Variants in HMMR observed in about 807,000 individuals in gnomAD.
The protein encoded by HMMR is intracellular hyaluronic acid-binding protein.
A neutral mutation model predicts 101.0 loss-of-function variants in HMMR; 108 were observed. The observed-to-expected ratio is 1.07, with a 90% CI of 0.92 to 1.25. The LOEUF (loss-of-function observed/expected upper bound fraction) is 1.25, where lower values mean the gene tolerates loss of function less well. Among genes scored for constraint, HMMR ranks in the 50% most tolerant of loss-of-function variants. The pLI, the probability that HMMR is intolerant of heterozygous loss-of-function variation, is 0.00. For synonymous variants in HMMR, 296 were observed against 276.4 expected (o/e 1.07, Z -0.70); for missense variants, 813 against 788.7 (o/e 1.03, Z -0.37).
intron 4 of HMMR, 106 bp from the exon 5 acceptor site, chr5:163,469,535 C>T: frequency 2.3e-6 from 2 of 871,676 alleles, no homozygotes; most frequent in South Asian, 1.5e-5. Flanking sequence ...AGCATAATGT[C>T]AAAATCAGAG....
At position 163,473,515 on chromosome 5, in the gene HMMR, G is replaced by A; in HGVS notation, c.862G>A (p.Glu288Lys). The stretch of plus-strand genomic sequence containing the variant: ...TATTGTTATATTATCTAAACAAGTA[G>A]AAGATCTAAATGTGAAATGTCAGCT... ...ENIVILSKQV[E>K]DLNVKCQLLE... The change falls in exon 9 of 18, where the codon GAA (glutamate) becomes AAA (lysine). Residue 288 changes from glutamate (E) to lysine (K), a missense_variant. By Grantham distance (56) the Glu-to-Lys change is moderately conservative (BLOSUM62 1). Transcript: ENST00000393915. 6.3e-7 allele frequency: 1 copy of A among 1,588,248 alleles called. No individual in the cohort carries two copies. The highest frequency in any genetic ancestry group is 8.6e-7 in the Non-Finnish European group (1 of 1,165,118).
intron 7 of HMMR, among the ~76,000 whole-genome samples, chr5:163,472,414 A>G (rs1176695215): frequency 6.6e-6 from 1 of 152,060 alleles, no homozygotes; most frequent in Non-Finnish European, 1.5e-5. Flanking sequence ...TGCTGTGAAC[A>G]TGTTTTATGT....
intron 12 of HMMR, among the ~76,000 whole-genome samples, chr5:163,479,920 C>G (rs1759200853): frequency 6.6e-6 from 1 of 152,136 alleles, no homozygotes; most frequent in African/African-American, 2.4e-5. Flanking sequence ...CTACAAATTA[C>G]AAAGGCCAAT....
At position 163,469,633 on chromosome 5, in the gene HMMR, T is replaced by C. The variant is rs1198362448; in HGVS notation, c.274-8T>C. The stretch of plus-strand genomic sequence containing the variant: ...TGAATCATTTATTATCACCTTGTTT[T>C]TGTCCAGATTCGTGTTCTTCTACAG... On this transcript the variant is annotated splice_polypyrimidine_tract_variant and splice_region_variant and intron_variant, in intron 4 of 17. Transcript: ENST00000393915. 3.7e-6 allele frequency: 6 copies of C among 1,604,856 alleles called. No individual in the cohort carries two copies. The highest frequency in any genetic ancestry group is 5.1e-6 in the Non-Finnish European group (6 of 1,176,790).
chr5:163,480,792 C>G (rs928164128), intron 12 of HMMR, among the ~76,000 whole-genome samples: 1 of 152,038 alleles, frequency 6.6e-6, no homozygotes, highest in Non-Finnish European at 1.5e-5. Context: ...GTTTATTTGT[C>G]TATAGGGTTA....
chr5:163,468,297 A>G (rs2113464797), intron 4 of HMMR, among the ~76,000 whole-genome samples: 1 of 152,342 alleles, frequency 6.6e-6, no homozygotes, highest in South Asian at 2.1e-4. Flanking sequence ...CTCAGTTGCA[A>G]TAATCACATT....
Position 163,471,385 on chromosome 5 carries a change from G to T in HMMR, c.572G>T (p.Gly191Val), listed in dbSNP as rs1758885735. The T allele has an allele frequency of 3.7e-6, 6 of 1,613,968 alleles. No individual in the cohort carries two copies. Among genetic ancestry groups the T allele is most frequent in the Non-Finnish European group, 5.1e-6 (6 of 1,179,996 alleles). Reference sequence around the variant, plus strand: ...TAGGGTATGATGGCTAAGCAAGAAGGCATGGAGATGAAGCTGCAGGTCACC... The same window carrying T: ...TAGGGTATGATGGCTAAGCAAGAAGTCATGGAGATGAAGCTGCAGGTCACC... Reference protein sequence around the residue: ...KMRGMMAKQEGMEMKLQVTQR... With the variant: ...KMRGMMAKQEVMEMKLQVTQR... The change falls in exon 7 of 18, where the codon GGC (glycine) becomes GTC (valine). Residue 191 changes from glycine to valine, a missense_variant. Coordinates refer to ENST00000393915, the MANE Select transcript of HMMR (RefSeq NM_001142556.2).
Position 163,478,682 on chromosome 5 carries a change from A to T in HMMR, c.1269-2A>T. ...TATCTTTCAATTATTTCTTTTTCTT[A>T]GGAAGGAGGCTGAACTGGAGAAAAG... On this transcript the variant is annotated splice_acceptor_variant, in intron 11 of 17. Transcript: ENST00000393915. LOFTEE classifies it high-confidence loss of function. 2.5e-6 allele frequency: 4 copies of T among 1,579,774 alleles called. No individual in the cohort carries two copies. Among genetic ancestry groups the T allele is most frequent in the Non-Finnish European group, 3.5e-6 (4 of 1,149,702 alleles).
intron 16 of HMMR, among the ~76,000 whole-genome samples, chr5:163,488,610 A>G (rs998053662): frequency 6.6e-6 from 1 of 152,124 alleles, no homozygotes; most frequent in Non-Finnish European, 1.5e-5. Context: ...AGGGAGGTAC[A>G]GTTTTAGGTG....
At chr5:163,481,588 C>G (rs568606104) in intron 12 of HMMR, among the ~76,000 whole-genome samples, 1 of 152,168 alleles carries the variant, frequency 6.6e-6, no homozygotes, top group Non-Finnish European at 1.5e-5. Flanking sequence ...CTTTCTACCC[C>G]TAGTCTCTCA....
chr5:163,485,706 A>G (rs1208951291), intron 16 of HMMR, among the ~76,000 whole-genome samples: 1 of 152,140 alleles, frequency 6.6e-6, no homozygotes, highest in Non-Finnish European at 1.5e-5. Flanking sequence ...GTTCCTTGGT[A>G]TCTATCTCCT....
Position 163,482,780 on chromosome 5 carries a change from A to C in HMMR, c.1524A>C (p.Glu508Asp). ...TGGCAACTGAGAGCTCAAATCAAGA[A>C]TATGTAAGGTATATAGAGCAAATAA... ...QILATESSNQ[E>D]YVRMLLDLQT... Residue 508 changes from glutamate to aspartate, a missense_variant, in exon 13 of 18, where the codon GAA (glutamate) becomes GAC (aspartate). Physicochemically the swap from Glu to Asp is conservative, Grantham distance 45. Coordinates refer to ENST00000393915, the MANE Select transcript of HMMR (RefSeq NM_001142556.2). 1 of 1,613,378 alleles carries C rather than the reference A, an allele frequency of 6.2e-7. No individual in the cohort carries two copies. Among genetic ancestry groups the C allele is most frequent in the Admixed American group, 1.7e-5 (1 of 60,004 alleles).
intron 3 of HMMR, 94 bp downstream of exon 3, chr5:163,464,896 A>G: frequency 4.0e-6 from 3 of 741,668 alleles, no homozygotes; most frequent in Middle Eastern, 6.4e-4. Flanking sequence ...AAGTGTATGA[A>G]TCAAGGTTAT....
chr5:163,491,045 G>T, intron 17 of HMMR, 67 bp from the exon 18 acceptor site: 1 of 881,330 alleles, frequency 1.1e-6, no homozygotes. Context: ...CCTGTTTTTA[G>T]TTTATAATGA....
At chr5:163,482,472 A>G (rs550778927) in intron 12 of HMMR, among the ~76,000 whole-genome samples, 170 bp from the exon 13 acceptor site, 6 of 152,038 alleles carry the variant, frequency 3.9e-5, no homozygotes, top group Admixed American at 3.9e-4. Context: ...TGCCATGTAA[A>G]CTCATTAGTA....
intron 1 of HMMR, among the ~76,000 whole-genome samples, chr5:163,462,210 G>A (rs1259350929): frequency 6.6e-6 from 1 of 151,934 alleles, no homozygotes; most frequent in Non-Finnish European, 1.5e-5. Context: ...ATTATAGTAG[G>A]TTAAACTGGC....
intron 16 of HMMR, among the ~76,000 whole-genome samples, chr5:163,486,953 C>T (rs1410721057): frequency 1.3e-5 from 2 of 152,170 alleles, no homozygotes; most frequent in Non-Finnish European, 2.9e-5. Context: ...GCGGCGGGCG[C>T]CTGTAATCCC....
chr5:163,484,603 G>C (rs1759408710), intron 16 of HMMR, among the ~76,000 whole-genome samples: 1 of 152,130 alleles, frequency 6.6e-6, no homozygotes, highest in Non-Finnish European at 1.5e-5. Context: ...TATGTATTGA[G>C]ATATAATTGA....
chr5:163,474,208 A>G lies in HMMR; in HGVS notation c.1053+3A>G, dbSNP rs759133666. 1.9e-6 allele frequency: 3 copies of G among 1,597,568 alleles called. No individual in the cohort carries two copies. ...ATTCACTTCTGCAACAAGAGAAAGT[A>G]ATTTACCACCATATTTTTTTAAACT... On this transcript the variant is annotated splice_donor_region_variant and intron_variant, in intron 10 of 17. Transcript: ENST00000393915.
Sources: gnomAD v4.1 joint callset for allele counts (sites outside exome capture counted in the v4.1 genomes callset) on GRCh38, gnomAD v4.1.1 for gene constraint, MANE v1.5 for transcripts, NCBI Gene and HGNC (gene_info 2026-07-23, HGNC 2026-07-21) for gene names.